The following NCOR2 variants were observed in gnomAD, a reference collection of about 807,000 sequenced individuals.
NCOR2 encodes CTG repeat protein 26.
NCOR2 carries 81 observed loss-of-function variants against 262.9 expected under a neutral mutation model. The observed-to-expected ratio is 0.31, with a 90% CI of 0.26 to 0.37. The LOEUF (loss-of-function observed/expected upper bound fraction) is 0.37. Among genes scored for constraint, NCOR2 ranks in the 10% least tolerant of loss-of-function variants. The pLI, the probability that NCOR2 is intolerant of heterozygous loss-of-function variation, is 1.00. For synonymous variants in NCOR2, 1,659 were observed against 1,559.3 expected, an observed-to-expected ratio of 1.06 and a Z score of -1.51; for missense variants, 3,385 against 3,621.4, an observed-to-expected ratio of 0.93 and a Z score of 1.68.
At chr12:124,423,594 T>C (rs964102394) in intron 11 of NCOR2, among the ~76,000 whole-genome samples, 3 of 152,218 alleles carry the variant, frequency 2.0e-5, no homozygotes, top group Admixed American at 6.5e-5. Flanking sequence ...GGAGCCATCC[T>C]AAGGCCCTTC....
chr12:124,422,647 T>TG (rs2043280552), intron 11 of NCOR2, 92 bp from the exon 14 acceptor site: 3 of 1,319,254 alleles, frequency 2.3e-6, no homozygotes, highest in Middle Eastern at 4.1e-4. Context: ...CCATCCCCAC[T>TG]GGCCGGGCCT....
chr12:124,357,964 C>A (rs959762148), intron 22 of NCOR2, among the ~76,000 whole-genome samples: 2 of 138,040 alleles, frequency 1.4e-5, no homozygotes, highest in African/African-American at 5.5e-5. Context: ...TGTGTGTGCA[C>A]CTGTACACAA....
intron 13 of NCOR2, among the ~76,000 whole-genome samples, chr12:124,414,967 C>T (rs2042778782): frequency 6.6e-6 from 1 of 151,954 alleles, no homozygotes; most frequent in Non-Finnish European, 1.5e-5. Flanking sequence ...GCCTGAGCTG[C>T]CAGGATAGGT....
intron 8 of NCOR2, among the ~76,000 whole-genome samples, chr12:124,436,060 G>A (rs1335553911): frequency 6.6e-6 from 1 of 152,086 alleles, no homozygotes; most frequent in East Asian, 1.9e-4. Flanking sequence ...ACCTGTCCCT[G>A]CAGCCTGCAG....
chr12:124,376,638 C>A (rs1195204358), intron 18 of NCOR2, among the ~76,000 whole-genome samples: 1 of 152,204 alleles, frequency 6.6e-6, no homozygotes, highest in Non-Finnish European at 1.5e-5. Flanking sequence ...AGATGAGTCA[C>A]CCAAGGGCCC....
At chr12:124,325,419 G>A in exon 47 of NCOR2, 1 of 1,303,084 alleles carries the variant, frequency 7.7e-7, no homozygotes, top group Non-Finnish European at 9.8e-7. Context: ...CTGTCGGAGA[G>A]TGTCTCGTAC....
chr12:124,499,099 G>A (rs1181771097), upstream of NCOR2, among the ~76,000 whole-genome samples: 1 of 152,224 alleles, frequency 6.6e-6, no homozygotes, highest in African/African-American at 2.4e-5. Context: ...AAAAAAATAA[G>A]CTTTGACTTT....
intron 1 of NCOR2, among the ~76,000 whole-genome samples, chr12:124,501,995 G>T (rs1251851592): frequency 1.3e-5 from 2 of 152,232 alleles, no homozygotes; most frequent in Non-Finnish European, 2.9e-5. Context: ...CAGCTCCACG[G>T]GTCGAGCTGT....
At chr12:124,398,287 C>T (rs1490387895) in intron 15 of NCOR2, 106 bp from the exon 18 acceptor site, 7 of 1,238,868 alleles carry the variant, frequency 5.7e-6, no homozygotes, top group African/African-American at 4.5e-5. Flanking sequence ...CAGGCCTTGA[C>T]GGTGTCACCG....
chr12:124,412,147 G>A (rs1175166845), intron 13 of NCOR2, among the ~76,000 whole-genome samples: 2 of 152,244 alleles, frequency 1.3e-5, no homozygotes, highest in East Asian at 1.9e-4. Context: ...CGCACACAGC[G>A]CGGGTCTGAG....
At chr12:124,354,133 G>C in exon 27 of NCOR2, 1 of 1,610,672 alleles carries the variant, frequency 6.2e-7, no homozygotes, top group Non-Finnish European at 8.5e-7. Flanking sequence ...GCTGTCCGAG[G>C]GCACCCGTGT....
rs1555234131 is a variant in NCOR2 at position 124,509,235 on chromosome 12, T to TGGGG, written c.-117-13871_-117-13868dup. ...CCAGCCAAAGTGGCACTGGCTTTGG[T>TGGGG]GGGGGGGGGGGGGGCTTAACTCTGA... On this transcript the variant is annotated intron_variant, in intron 1 of 46. Transcript: ENST00000404621. 8.8e-3 allele frequency among the ~76,000 whole-genome samples: 481 copies of TGGGG among 54,652 alleles called. 24 individuals are homozygous for TGGGG. Among genetic ancestry groups the TGGGG allele is most frequent in the Non-Finnish European group, 0.013 (346 of 26,534 alleles). 35.9% of individuals were successfully genotyped at this position (54,652 alleles called of 152,430 possible).
At chr12:124,509,394 C>T (rs2049264304) in intron 1 of NCOR2, among the ~76,000 whole-genome samples, 1 of 152,216 alleles carries the variant, frequency 6.6e-6, no homozygotes, top group Admixed American at 6.5e-5. Context: ...AAGTGGGGAG[C>T]ACCTGGACCC....
chr12:124,448,913 C>T (rs901366832), intron 7 of NCOR2, among the ~76,000 whole-genome samples: 4 of 152,216 alleles, frequency 2.6e-5, no homozygotes, highest in African/African-American at 9.7e-5. Flanking sequence ...CGCCTGTACC[C>T]TCTCACCATG....
At chr12:124,384,281 G>A (rs963532576) in intron 17 of NCOR2, among the ~76,000 whole-genome samples, 37 of 152,234 alleles carry the variant, frequency 2.4e-4, no homozygotes, top group African/African-American at 8.2e-4. Flanking sequence ...ACTTCAGCAA[G>A]TGTTAGGGAC....
At chr12:124,492,690 C>T (rs2048155963) in intron 1 of NCOR2, among the ~76,000 whole-genome samples, 1 of 152,270 alleles carries the variant, frequency 6.6e-6, no homozygotes, top group African/African-American at 2.4e-5. Context: ...TAGTATCTTT[C>T]GAACTGGGTC....
chr12:124,553,092 G>A (rs2137265566), intron 1 of NCOR2, among the ~76,000 whole-genome samples: 1 of 152,288 alleles, frequency 6.6e-6, no homozygotes, highest in South Asian at 2.1e-4. Flanking sequence ...GAGACTCTAG[G>A]GGAGAACCTG....
chr12:124,469,612 GC>G (rs911825675), intron 4 of NCOR2, among the ~76,000 whole-genome samples: 1 of 152,162 alleles, frequency 6.6e-6, no homozygotes, highest in African/African-American at 2.4e-5. Flanking sequence ...TCAAGCCTGA[GC>G]CCCCCGCTCA....
At chr12:124,487,969 G>A (rs1218959272) in intron 1 of NCOR2, among the ~76,000 whole-genome samples, 1 of 151,976 alleles carries the variant, frequency 6.6e-6, no homozygotes, top group African/African-American at 2.4e-5. Flanking sequence ...AGTTCTGTCT[G>A]CCTGGAACAC....
Sources: allele counts gnomAD v4.1 joint callset (sites outside exome capture counted in the v4.1 genomes callset), GRCh38; gene constraint gnomAD v4.1.1; transcripts MANE v1.5; gene names NCBI Gene and HGNC (gene_info 2026-07-23, HGNC 2026-07-21).